Variants in GNG4 observed in about 807,000 individuals in gnomAD.
The protein encoded by GNG4 is guanine nucleotide-binding protein G(I)/G(S)/G(O) subunit gamma-4.
GNG4 carries 4 observed loss-of-function variants against 5.8 expected under a neutral mutation model. That is an observed-to-expected ratio of 0.69 (90% CI 0.34 to 1.57). The LOEUF (loss-of-function observed/expected upper bound fraction) is 1.57, where lower values mean the gene tolerates loss of function less well. Among genes scored for constraint, GNG4 ranks in the 40% most tolerant of loss-of-function variants. The probability of loss-of-function intolerance (pLI) is 0.06; values close to 1 mark genes in which losing one functional copy is unlikely to be tolerated. For synonymous variants in GNG4, 29 were observed against 32.9 expected (o/e 0.88, Z 0.41); for missense variants, 96 against 95.1 (o/e 1.01, Z -0.04).
At chr1:235,628,599 C>T (rs974019055) in intron 1 of GNG4, among the ~76,000 whole-genome samples, 3 of 152,168 alleles carry the variant, frequency 2.0e-5, no homozygotes, top group Non-Finnish European at 4.4e-5. Context: ...TGGACAGATA[C>T]CTGGTCCTGT....
intron 3 of GNG4, among the ~76,000 whole-genome samples, chr1:235,560,263 G>A (rs937655088): frequency 2.0e-5 from 3 of 152,226 alleles, no homozygotes; most frequent in African/African-American, 7.2e-5. Context: ...ATGCGAGCAT[G>A]TTAGGAGGTG....
At chr1:235,570,649 C>T (rs1257586809) in intron 3 of GNG4, among the ~76,000 whole-genome samples, 1 of 151,844 alleles carries the variant, frequency 6.6e-6, no homozygotes, top group East Asian at 2.0e-4. Flanking sequence ...CACTCCCCCT[C>T]TCAGCCTCCC....
At chr1:235,591,463 C>T (rs1221327681) in intron 2 of GNG4, among the ~76,000 whole-genome samples, 2 of 152,202 alleles carry the variant, frequency 1.3e-5, no homozygotes, top group Non-Finnish European at 2.9e-5. Context: ...AGATAGAGCC[C>T]TATAAGAAGG....
intron 1 of GNG4, among the ~76,000 whole-genome samples, chr1:235,610,075 C>T (rs144379282): frequency 6.6e-6 from 1 of 152,282 alleles, no homozygotes; most frequent in East Asian, 1.9e-4. Context: ...ACCAGTAATG[C>T]CCTGCACGGT....
At position 235,550,048 on chromosome 1, in the gene GNG4, G is replaced by A. The variant is rs1197019861; in HGVS notation, c.*2061C>T. The stretch of plus-strand genomic sequence containing the variant: ...AGTCTCTTTCAGAACTAGGGAGAGA[G>A]GCAGTTTCCAAATAAACAGAATAGA... On this transcript the variant is annotated 3_prime_UTR_variant, in exon 4 of 4. Transcript: ENST00000391854. The A allele has an allele frequency of 6.6e-6, 1 of 152,208 alleles. No homozygotes were observed. Among genetic ancestry groups the A allele is most frequent in the Non-Finnish European group, 1.5e-5 (1 of 68,040 alleles). 9.4% of individuals were successfully genotyped at this position (152,208 alleles called of 1,614,324 possible).
intron 1 of GNG4, among the ~76,000 whole-genome samples, chr1:235,599,053 G>A (rs1034143191): frequency 5.3e-5 from 8 of 152,024 alleles, no homozygotes; most frequent in African/African-American, 1.7e-4. Context: ...ATGTGCAGCC[G>A]CGTTTGAGAC....
chr1:235,594,453 G>A (rs756993748), intron 2 of GNG4, among the ~76,000 whole-genome samples: 86 of 152,344 alleles, frequency 5.6e-4, no homozygotes, highest in Non-Finnish European at 1.0e-3. Flanking sequence ...CCCTTGGGTG[G>A]TCCATGGGAC....
intron 3 of GNG4, among the ~76,000 whole-genome samples, chr1:235,562,863 T>G (rs1410527332): frequency 6.6e-6 from 1 of 152,094 alleles, no homozygotes; most frequent in Admixed American, 6.6e-5. Context: ...ATAGATCTTG[T>G]GCATATTGAA....
intron 2 of GNG4, among the ~76,000 whole-genome samples, chr1:235,589,732 C>A (rs2102949925): frequency 6.6e-6 from 1 of 152,268 alleles, no homozygotes; most frequent in Middle Eastern, 3.4e-3. Flanking sequence ...TGTCTTTGGC[C>A]ACCTTGAGTT....
chr1:235,553,721 T>C (rs1440141991), intron 3 of GNG4, among the ~76,000 whole-genome samples: 2 of 152,222 alleles, frequency 1.3e-5, no homozygotes, highest in Admixed American at 6.5e-5. Flanking sequence ...TGACAAAACC[T>C]ACATTTGTTA....
chr1:235,561,216 A>G (rs1010714253), intron 3 of GNG4, among the ~76,000 whole-genome samples: 6 of 151,870 alleles, frequency 4.0e-5, no homozygotes, highest in Non-Finnish European at 7.4e-5. Flanking sequence ...TCACCGTGTT[A>G]GCCAGCATGG....
intron 3 of GNG4, among the ~76,000 whole-genome samples, chr1:235,552,824 T>G (rs1379301751): frequency 6.6e-6 from 1 of 152,154 alleles, no homozygotes; most frequent in African/African-American, 2.4e-5. Flanking sequence ...TGTGGTGGCG[T>G]GATCTCCGCT....
At chr1:235,569,914 G>A (rs905572510) in intron 3 of GNG4, among the ~76,000 whole-genome samples, 4 of 151,464 alleles carry the variant, frequency 2.6e-5, no homozygotes, top group South Asian at 4.2e-4. Context: ...TATTGCTTTT[G>A]TTTTGCTTTT....
intron 1 of GNG4, among the ~76,000 whole-genome samples, chr1:235,612,230 C>T (rs1286163469): frequency 6.6e-6 from 1 of 152,188 alleles, no homozygotes; most frequent in East Asian, 1.9e-4. Context: ...AAGACGATGA[C>T]AGAACGTGCT....
At chr1:235,646,922 A>G (rs1300282751) in intron 1 of GNG4, among the ~76,000 whole-genome samples, 2 of 152,180 alleles carry the variant, frequency 1.3e-5, no homozygotes, top group African/African-American at 4.8e-5. Context: ...AACATTTCCT[A>G]AAATGAAAAT....
chr1:235,581,453 C>T (rs548128677), intron 3 of GNG4, among the ~76,000 whole-genome samples: 2 of 151,068 alleles, frequency 1.3e-5, no homozygotes, highest in East Asian at 2.0e-4. Context: ...GGCGTGAACC[C>T]GGGAGGCGGA....
chr1:235,552,156 A>T lies in GNG4; in HGVS notation c.181T>A (p.Ser61Thr). 6.2e-7 allele frequency: 1 copy of T among 1,613,934 alleles called. No individual in the cohort carries two copies. The highest frequency in any genetic ancestry group is 8.5e-7 in the Non-Finnish European group (1 of 1,179,796). Reference protein sequence around the residue: ...EDPLIIPVPASENPFREKKFF... With the variant: ...EDPLIIPVPATENPFREKKFF... ...TTCTTCTCGCGAAAGGGGTTTTCTG[A>T]TGCAGGCACTGGAATGATGAGAGGA... Residue 61 changes from serine (S) to threonine (T), a missense_variant, in exon 4 of 4, where the codon TCA becomes ACA. Ser to Thr is a moderately conservative substitution (Grantham distance 58). Transcript: ENST00000391854.
At chr1:235,600,099 G>GGTTTTTTTTTTTTTTTTTTTTTTT (rs1558492553) in intron 1 of GNG4, among the ~76,000 whole-genome samples, 1 of 51,418 alleles carries the variant, frequency 1.9e-5, no homozygotes, top group Non-Finnish European at 4.2e-5. Flanking sequence ...GCGGAAGAAA[G>GGTTTTTTTTTTTTTTTTTTTTTTT]CTTTTTTTTT....
intron 1 of GNG4, among the ~76,000 whole-genome samples, chr1:235,624,642 G>C (rs1558501296): frequency 6.6e-6 from 1 of 152,070 alleles, no homozygotes; most frequent in East Asian, 1.9e-4. Context: ...AATTAACTTT[G>C]TTAAAAAACA....
Sources: allele counts gnomAD v4.1 joint callset (sites outside exome capture counted in the v4.1 genomes callset), GRCh38; gene constraint gnomAD v4.1.1; transcripts MANE v1.5; gene names NCBI Gene and HGNC (gene_info 2026-07-23, HGNC 2026-07-21).